BMPR2: variants seen among roughly 807,000 people sequenced by gnomAD.
The protein encoded by BMPR2 is bone morphogenetic protein receptor type-2.
In BMPR2, 29 loss-of-function variants were observed where a neutral mutation model predicts 100.8. That is an observed-to-expected ratio of 0.29 (90% CI 0.21 to 0.39). BMPR2 has a LOEUF of 0.39. BMPR2 is among the 10% of genes least tolerant of loss of function. The pLI is 1.00. For missense variants in BMPR2, 1,011 were observed against 1,274.5 expected, an observed-to-expected ratio of 0.79 and a Z score of 3.15; for synonymous variants, 382 against 442.3, an observed-to-expected ratio of 0.86 and a Z score of 1.71.
At chr2:202,455,301 A>G (rs2105950962) in intron 1 of BMPR2, among the ~76,000 whole-genome samples, 1 of 152,332 alleles carries the variant, frequency 6.6e-6, no homozygotes, top group East Asian at 1.9e-4. Flanking sequence ...TAATCCCAGC[A>G]CTTTGGGAGG....
intron 1 of BMPR2, among the ~76,000 whole-genome samples, chr2:202,411,025 A>G (rs1054666154): frequency 6.6e-6 from 1 of 152,182 alleles, no homozygotes; most frequent in African/African-American, 2.4e-5. Context: ...GAAATAGAAA[A>G]TCATCATTAG....
intron 1 of BMPR2, among the ~76,000 whole-genome samples, chr2:202,413,630 A>G (rs776654287): frequency 2.0e-5 from 3 of 151,840 alleles, no homozygotes; most frequent in Non-Finnish European, 4.4e-5. Context: ...TATATATTAC[A>G]TATTGTTCAT....
chr2:202,534,213 G>A (rs1293364694), intron 9 of BMPR2, among the ~76,000 whole-genome samples: 1 of 72,726 alleles, frequency 1.4e-5, no homozygotes, highest in African/African-American at 4.9e-5. Context: ...TATGTATCGT[G>A]TGTGTGTGTA....
At chr2:202,429,558 T>C (rs1027683310) in intron 1 of BMPR2, among the ~76,000 whole-genome samples, 1 of 152,234 alleles carries the variant, frequency 6.6e-6, no homozygotes, top group Non-Finnish European at 1.5e-5. Context: ...TTTAAAATAT[T>C]CCTTGATATT....
intron 9 of BMPR2, among the ~76,000 whole-genome samples, chr2:202,535,909 C>T (rs1222247632): frequency 6.6e-6 from 1 of 152,204 alleles, no homozygotes; most frequent in African/African-American, 2.4e-5. Context: ...ACAGCGAAAC[C>T]CCGTCTCCAC....
At chr2:202,497,104 G>A (rs1019808269) in intron 3 of BMPR2, among the ~76,000 whole-genome samples, 4 of 152,226 alleles carry the variant, frequency 2.6e-5, no homozygotes, top group Non-Finnish European at 4.4e-5. Context: ...CCAGCCAACC[G>A]GCACTGCTCT....
intron 4 of BMPR2, among the ~76,000 whole-genome samples, chr2:202,514,175 G>A (rs1388427157): frequency 1.3e-5 from 2 of 151,546 alleles, no homozygotes; most frequent in Non-Finnish European, 2.9e-5. Flanking sequence ...TCTCGCTGTC[G>A]CCCAGGTTGG....
intron 1 of BMPR2, among the ~76,000 whole-genome samples, chr2:202,432,201 C>G (rs1346619552): frequency 6.6e-6 from 1 of 150,680 alleles, no homozygotes; most frequent in Non-Finnish European, 1.5e-5. Context: ...CAGAAAATTC[C>G]TTTAAGATTT....
In BMPR2 at chr2:202,467,658, G is replaced by T; in HGVS notation, c.387G>T (p.Glu129Asp). Reference sequence around the variant, plus strand: ...ATTTATGTAATGTCAACTTTACTGAGAATTTTCCACCTCCTGACACAACAC... The same window carrying T: ...ATTTATGTAATGTCAACTTTACTGATAATTTTCCACCTCCTGACACAACAC... ...STDLCNVNFT[E>D]NFPPPDTTPL... Residue 129 changes from glutamate to aspartate, a missense_variant, in exon 3 of 13, where the codon GAG becomes GAT. Around this residue, in one of 6 missense-constraint regions of BMPR2, gnomAD observed 355 missense variants for 455.3 expected, o/e 0.78. Transcript: ENST00000374580. The T allele has an allele frequency of 6.2e-7, 1 of 1,612,942 alleles. No homozygotes were observed. Among genetic ancestry groups the T allele is most frequent in the South Asian group, 1.1e-5 (1 of 91,058 alleles).
At chr2:202,550,863 T>C (rs1009566181) in intron 10 of BMPR2, among the ~76,000 whole-genome samples, 2 of 151,892 alleles carry the variant, frequency 1.3e-5, no homozygotes, top group Non-Finnish European at 2.9e-5. Flanking sequence ...GCTTTTATAG[T>C]TACCTAAGTA....
chr2:202,410,277 G>A lies in BMPR2; in HGVS notation c.76+32727G>A, dbSNP rs576456943. Among the ~76,000 whole-genome samples, 5 of 151,970 alleles carry A rather than the reference G, an allele frequency of 3.3e-5. No homozygotes were observed. In the East Asian group the frequency reaches 9.7e-4, roughly 30 times the overall value. ...TGGGATTACAGGTGTGAGTCACCAT[G>A]CCCGGCCCCAGATCTTGGTTTCTAA... On this transcript the variant is annotated intron_variant, in intron 1 of 12. Transcript: ENST00000374580.
At chr2:202,386,940 C>T (rs1391741340) in intron 1 of BMPR2, among the ~76,000 whole-genome samples, 4 of 152,178 alleles carry the variant, frequency 2.6e-5, no homozygotes, top group African/African-American at 9.7e-5. Context: ...ACCTCGGCCT[C>T]CCAAAGTGCT....
chr2:202,448,340 G>A (rs1424670522), intron 1 of BMPR2, among the ~76,000 whole-genome samples: 2 of 150,394 alleles, frequency 1.3e-5, no homozygotes, highest in East Asian at 4.0e-4. Context: ...CCAGCTACTC[G>A]GGAGGCTGAG....
intron 1 of BMPR2, among the ~76,000 whole-genome samples, chr2:202,448,251 C>T (rs895321867): frequency 6.6e-6 from 1 of 151,096 alleles, no homozygotes; most frequent in African/African-American, 2.4e-5. Context: ...ATATCAAGAC[C>T]ATCCTGGCTA....
At chr2:202,384,341 A>C (rs1165639058) in intron 1 of BMPR2, among the ~76,000 whole-genome samples, 1 of 152,196 alleles carries the variant, frequency 6.6e-6, no homozygotes, top group African/African-American at 2.4e-5. Flanking sequence ...TTCACGTCTT[A>C]AATGTGTCGA....
At position 202,566,429 on chromosome 2, in the gene BMPR2, A is replaced by T. The variant is rs895093248; in HGVS notation, c.*6483A>T. 6.6e-6 allele frequency: 1 copy of T among 152,630 alleles called. No homozygotes were observed. Among genetic ancestry groups the T allele is most frequent in the African/African-American group, 2.4e-5 (1 of 41,480 alleles). 9.5% of individuals were successfully genotyped at this position (152,630 alleles called of 1,614,324 possible). The stretch of plus-strand genomic sequence containing the variant: ...CATAGATATAATATCAGATTTCATT[A>T]ATTATAAAAAGTTGCCCAGTTCTGT... On this transcript the variant is annotated 3_prime_UTR_variant, in exon 13 of 13. Transcript: ENST00000374580.
At chr2:202,413,013 C>G (rs1045658552) in intron 1 of BMPR2, among the ~76,000 whole-genome samples, 1 of 152,072 alleles carries the variant, frequency 6.6e-6, no homozygotes, top group African/African-American at 2.4e-5. Context: ...TTATTTGTAA[C>G]CCCCAAATTA....
intron 3 of BMPR2, among the ~76,000 whole-genome samples, chr2:202,480,725 G>A (rs1244327170): frequency 1.3e-5 from 2 of 151,740 alleles, no homozygotes; most frequent in African/African-American, 2.4e-5. Context: ...AGGCCGAGGC[G>A]GGTGGATCAT....
intron 1 of BMPR2, among the ~76,000 whole-genome samples, chr2:202,423,928 C>T (rs1474372148): frequency 6.6e-6 from 1 of 151,832 alleles, no homozygotes; most frequent in Non-Finnish European, 1.5e-5. Flanking sequence ...AATTACATAC[C>T]ACGGATGTGG....
Sources: allele counts gnomAD v4.1 joint callset (sites outside exome capture counted in the v4.1 genomes callset), GRCh38; gene constraint gnomAD v4.1.1; regional missense constraint gnomAD v4.1.1; transcripts MANE v1.5; gene names NCBI Gene and HGNC (gene_info 2026-07-23, HGNC 2026-07-21).